CNIH3: variants seen among roughly 807,000 people sequenced by gnomAD.
The protein encoded by CNIH3 is cornichon family AMPA receptor auxiliary protein 3.
CNIH3 carries 14 observed loss-of-function variants against 24.1 expected under a neutral mutation model. That is an observed-to-expected ratio of 0.58 (90% confidence interval 0.38 to 0.91). CNIH3 has a LOEUF of 0.91. Ranked by LOEUF, CNIH3 falls within the 40% of genes least tolerant of loss-of-function variation. CNIH3 has a pLI of 0.00. For synonymous variants in CNIH3, 68 were observed against 73.8 expected (o/e 0.92, Z 0.40); for missense variants, 178 against 196.8 (o/e 0.90, Z 0.57).
At position 224,543,331 on chromosome 1, in the gene CNIH3, G is replaced by A. The variant is rs149376142; in HGVS notation, n.340-3498G>A. Among the ~76,000 whole-genome samples the A allele has an allele frequency of 7.2e-5, 11 of 152,204 alleles. No homozygotes were observed. In the East Asian group the frequency reaches 1.5e-3, roughly 21 times the overall value. On this transcript the variant is annotated intron_variant and non_coding_transcript_variant, in intron 2 of 5. Coordinates refer to the CNIH3 transcript ENST00000471578. ...GTGTGTCTGTTTGTTTGCCTGCTTC[G>A]GATTTGTATCCTTTATCATAAAACT... is the stretch of plus-strand genomic sequence containing the variant.
intron 3 of CNIH3, among the ~76,000 whole-genome samples, chr1:224,562,342 C>T (rs573004281): frequency 6.6e-6 from 1 of 152,212 alleles, no homozygotes; most frequent in Admixed American, 6.5e-5. Context: ...CTAAATCACT[C>T]AGGTTAGGCC....
In CNIH3 at chr1:224,708,800, C is replaced by T. The variant is rs115202225; in HGVS notation, c.199-21662C>T. 4.3e-3 allele frequency among the ~76,000 whole-genome samples: 654 copies of T among 152,234 alleles called. 5 individuals carry two copies. Among genetic ancestry groups the T allele is most frequent in the Non-Finnish European group, 7.3e-3 (495 of 68,014 alleles). ...CACACCCCAAATACAGGTGTTCATG[C>T]GCCTTCTGCCCTTGTTTTCCTCTTG... On this transcript the variant is annotated intron_variant, in intron 3 of 5. Transcript: ENST00000272133.
At chr1:224,615,532 T>C (rs993353095), upstream of CNIH3, 1 of 152,180 alleles carries the variant, frequency 6.6e-6, no homozygotes, top group Non-Finnish European at 1.5e-5. Context: ...ATGGCTTGAC[T>C]CTACTCTTAT....
chr1:224,595,713 T>C (rs1681949961), intron 3 of CNIH3, among the ~76,000 whole-genome samples: 1 of 152,054 alleles, frequency 6.6e-6, no homozygotes, highest in African/African-American at 2.4e-5. Flanking sequence ...AAAGGTGAAG[T>C]TCTTGAAGGA....
At chr1:224,629,060 G>A (rs1683688129) in intron 1 of CNIH3, among the ~76,000 whole-genome samples, 1 of 151,140 alleles carries the variant, frequency 6.6e-6, no homozygotes, top group Admixed American at 6.6e-5. Flanking sequence ...AGGCTGGAGT[G>A]CAGTGGCGTG....
At chr1:224,463,849 G>C (rs113380345) in intron 1 of CNIH3, among the ~76,000 whole-genome samples, 3 of 124,362 alleles carry the variant, frequency 2.4e-5, no homozygotes, top group Non-Finnish European at 4.8e-5. Context: ...GGAGTGCAGT[G>C]GCATGATCTC....
intron 2 of CNIH3, among the ~76,000 whole-genome samples, chr1:224,528,213 A>G (rs1468378498): frequency 6.6e-6 from 1 of 152,228 alleles, no homozygotes. Flanking sequence ...GCAGTATGCT[A>G]TGATCATGTC....
intron 3 of CNIH3, among the ~76,000 whole-genome samples, chr1:224,713,715 C>G (rs1688279467): frequency 6.6e-6 from 1 of 152,296 alleles, no homozygotes; most frequent in Middle Eastern, 3.4e-3. Context: ...AAAGCATAAG[C>G]TCTTTTCTAC....
intron 1 of CNIH3, among the ~76,000 whole-genome samples, chr1:224,630,950 A>G (rs190097030): frequency 6.6e-6 from 1 of 151,954 alleles, no homozygotes; most frequent in African/African-American, 2.4e-5. Context: ...CATGAGGTCA[A>G]GAGATTGAGA....
At chr1:224,689,200 A>G (rs1686810150) in intron 3 of CNIH3, among the ~76,000 whole-genome samples, 1 of 152,170 alleles carries the variant, frequency 6.6e-6, no homozygotes, top group Non-Finnish European at 1.5e-5. Flanking sequence ...TGTAACCCAC[A>G]GTGTGTGCCT....
intron 3 of CNIH3, among the ~76,000 whole-genome samples, chr1:224,722,702 G>C (rs1688788908): frequency 6.6e-6 from 1 of 152,076 alleles, no homozygotes; most frequent in Non-Finnish European, 1.5e-5. Context: ...TTTAGCAAAA[G>C]CTCCAGGGGG....
At position 224,506,265 on chromosome 1, in the gene CNIH3, GCACACGCGCGCGCGCGCGCGCGCACACA is replaced by G. The variant is rs1226313591; in HGVS notation, n.204-9470_204-9443del. ...TCCCATTCCTTACACTCATATGCAC[GCACACGCGCGCGCGCGCGCGCGCACACA>G]CACACACACACGGTCACTCCTCTTT... On this transcript the variant is annotated intron_variant and non_coding_transcript_variant, in intron 1 of 5. Coordinates refer to the CNIH3 transcript ENST00000471578. Among the ~76,000 whole-genome samples the G allele has an allele frequency of 4.3e-3, 453 of 105,418 alleles. 1 individual carries two copies. The highest frequency in any genetic ancestry group is 0.014 in the African/African-American group (421 of 29,260). 69.2% of individuals were successfully genotyped at this position (105,418 alleles called of 152,430 possible). A position where few individuals can be genotyped will look rare whatever the true frequency, so the allele number is the denominator to read the frequency against.
intron 1 of CNIH3, among the ~76,000 whole-genome samples, chr1:224,464,157 T>G (rs1676060531): frequency 6.6e-6 from 1 of 152,200 alleles, no homozygotes; most frequent in South Asian, 2.1e-4. Context: ...TGGAGTTCAC[T>G]TTATATTTAT....
At position 224,534,845 on chromosome 1, in the gene CNIH3, T is replaced by G. The variant is rs551867560; in HGVS notation, n.344-2091T>G. Among the ~76,000 whole-genome samples the G allele has an allele frequency of 2.0e-5, 3 of 152,292 alleles. No homozygotes were observed. The East Asian group carries it at 5.8e-4, about 29-fold the overall frequency. Reference sequence around the variant, plus strand: ...CAGGGGCTGATCCACAATGAACAAGTCCCGGAGGTTGGTCTGTTTTTCCTA... The same window carrying G: ...CAGGGGCTGATCCACAATGAACAAGGCCCGGAGGTTGGTCTGTTTTTCCTA... On this transcript the variant is annotated intron_variant and non_coding_transcript_variant, in intron 2 of 2. Coordinates refer to the CNIH3 transcript ENST00000470602.
intron 3 of CNIH3, among the ~76,000 whole-genome samples, chr1:224,711,553 G>A (rs1216965070): frequency 6.6e-6 from 1 of 151,920 alleles, no homozygotes; most frequent in Admixed American, 6.6e-5. Context: ...TCAGCACTTT[G>A]GGAGGCTGAG....
rs1309317256 is a variant in CNIH3 at position 224,596,724 on chromosome 1, G to C, written n.402+30460G>C. Among the ~76,000 whole-genome samples, 11 of 152,146 alleles carry C rather than the reference G, an allele frequency of 7.2e-5. 1 individual carries two copies. The highest frequency in any genetic ancestry group is 7.2e-4 in the Admixed American group (11 of 15,262). On this transcript the variant is annotated intron_variant and non_coding_transcript_variant, in intron 3 of 7. Transcript: ENST00000478120. ...ATTTCCCAAATGACTAAAACAAGAA[G>C]AATATATTTTATTAAAGTATTTGGG...
intron 4 of CNIH3, among the ~76,000 whole-genome samples, chr1:224,566,488 A>C (rs1027319328): frequency 6.6e-6 from 1 of 152,032 alleles, no homozygotes; most frequent in Non-Finnish European, 1.5e-5. Context: ...CGTCATCTAC[A>C]TTAGGTATTT....
At chr1:224,504,737 T>G (rs148898436) in intron 1 of CNIH3, among the ~76,000 whole-genome samples, 8 of 152,328 alleles carry the variant, frequency 5.3e-5, no homozygotes, top group Non-Finnish European at 1.2e-4. Context: ...GCCCACATCT[T>G]AACTCTGTGA....
At chr1:224,724,919 A>G (rs1688935449) in intron 3 of CNIH3, among the ~76,000 whole-genome samples, 1 of 152,188 alleles carries the variant, frequency 6.6e-6, no homozygotes, top group African/African-American at 2.4e-5. Flanking sequence ...TATTAAAAAT[A>G]ATAATGACCG....
Sources: allele counts gnomAD v4.1 joint callset (sites outside exome capture counted in the v4.1 genomes callset), GRCh38; gene constraint gnomAD v4.1.1; transcripts MANE v1.5; gene names NCBI Gene and HGNC (gene_info 2026-07-23, HGNC 2026-07-21).